The following TMEM94 variants were observed in gnomAD, a reference collection of about 807,000 sequenced individuals.
TMEM94 encodes transmembrane protein 94, also known as ER Mg2+ ATPase.
A neutral mutation model predicts 158.6 loss-of-function variants in TMEM94; 81 were observed. The observed-to-expected ratio is 0.51, with a 90% CI of 0.43 to 0.61. The LOEUF (loss-of-function observed/expected upper bound fraction) is 0.61, where lower values mean the gene tolerates loss of function less well. TMEM94 is among the 20% of genes least tolerant of loss of function. TMEM94 has a pLI of 0.00. For synonymous variants in TMEM94, 751 were observed against 730.7 expected (o/e 1.03, Z -0.45); for missense variants, 1,435 against 1,762.0 (o/e 0.81, Z 3.32).
At chr17:75,479,627 A>AT (rs1176792425) in intron 2 of TMEM94, among the ~76,000 whole-genome samples, 8 of 151,766 alleles carry the variant, frequency 5.3e-5, no homozygotes, top group African/African-American at 1.9e-4. Context: ...CTACAAAAAA[A>AT]TTTTAAAAGG....
rs2052943652 is a variant in TMEM94, at chr17:75,498,349, C to T, written c.3638+26C>T. On this transcript the variant is annotated intron_variant, in intron 28 of 31. Transcript: ENST00000314256. The surrounding 1 kb of genome is among the most constrained non-coding windows in gnomAD (Gnocchi z 6.7). ...GTGGGTCCCAGCCCCAGAGATCCACCCATCGCCTGCCTCGCCTCGAGGCTT... is the reference window on the plus strand; with the variant it reads ...GTGGGTCCCAGCCCCAGAGATCCACTCATCGCCTGCCTCGCCTCGAGGCTT... 1 of 1,612,580 alleles carries T rather than the reference C, an allele frequency of 6.2e-7. No homozygotes were observed. The highest frequency in any genetic ancestry group is 8.5e-7 in the Non-Finnish European group (1 of 1,179,812).
chr17:75,498,666 C>G lies in TMEM94; in HGVS notation c.3771C>G (p.Pro1257=). 6.3e-7 allele frequency: 1 copy of G among 1,599,428 alleles called. No homozygotes were observed. The highest frequency in any genetic ancestry group is 2.2e-5 in the East Asian group (1 of 44,796). The change falls in exon 30 of 32, where the codon CCC becomes CCG. Residue 1257 remains proline, a synonymous_variant. Coordinates refer to ENST00000314256, the MANE Select transcript of TMEM94 (RefSeq NM_014738.6). This position sits in a 1 kb window ranked among gnomAD's most constrained non-coding sequence, Gnocchi z 6.7. Reference sequence around the variant, plus strand: ...TCACCCATGTGCATCGCACCAAGCCCCTGTGGAGAAAGAGCCCCTTGACCA... The same window carrying G: ...TCACCCATGTGCATCGCACCAAGCCGCTGTGGAGAAAGAGCCCCTTGACCA... The part of the protein sequence containing the change: ...ISITHVHRTK[P]LWRKSPLTNL...
At chr17:75,490,795 C>G (rs2052103385) in intron 11 of TMEM94, 37 bp downstream of exon 11, 1 of 1,586,236 alleles carries the variant, frequency 6.3e-7, no homozygotes, top group Non-Finnish European at 8.7e-7. Flanking sequence ...TCTCGCAGGT[C>G]CCTAGAGCCA....
intron 1 of TMEM94, among the ~76,000 whole-genome samples, chr17:75,463,739 C>T (rs1399826857): frequency 1.3e-5 from 2 of 152,170 alleles, no homozygotes; most frequent in African/African-American, 4.8e-5. Context: ...TCACTTCAGC[C>T]TGTTGAGAGC....
In TMEM94 at chr17:75,492,853, A is replaced by G; in HGVS notation, c.1912+64A>G. Reference sequence around the variant, plus strand: ...GCCTCCTAGAAGAGGCCCAGTACCAACTCCTCACGGGACTTAATGGACCTG... The same window carrying G: ...GCCTCCTAGAAGAGGCCCAGTACCAGCTCCTCACGGGACTTAATGGACCTG... On this transcript the variant is annotated intron_variant, in intron 15 of 31. Coordinates refer to ENST00000314256, the MANE Select transcript of TMEM94 (RefSeq NM_014738.6). The surrounding 1 kb of genome is among the most constrained non-coding windows in gnomAD (Gnocchi z 4.4). 1 of 1,582,604 alleles carries G rather than the reference A, an allele frequency of 6.3e-7. No individual in the cohort carries two copies. Among genetic ancestry groups the G allele is most frequent in the Non-Finnish European group, 8.6e-7 (1 of 1,163,344 alleles).
Position 75,495,769 on chromosome 17 carries a change from C to T in TMEM94, c.2944+126C>T. The stretch of plus-strand genomic sequence containing the variant: ...CATGCAGGGAGTAAAGGAACCTGGG[C>T]TGGGATCAGCTGGGGAATCTTGTGG... On this transcript the variant is annotated intron_variant, in intron 22 of 31. Coordinates refer to ENST00000314256, the MANE Select transcript of TMEM94 (RefSeq NM_014738.6). The surrounding 1 kb of genome is among the most constrained non-coding windows in gnomAD (Gnocchi z 5.6). 2 of 914,096 alleles carry T rather than the reference C, an allele frequency of 2.2e-6. No individual in the cohort carries two copies. Among genetic ancestry groups the T allele is most frequent in the Non-Finnish European group, 3.4e-6 (2 of 582,724 alleles). 56.6% of individuals were successfully genotyped at this position (914,096 alleles called of 1,614,324 possible).
In TMEM94 at chr17:75,490,331, A is replaced by C. The variant is rs1483807977; in HGVS notation, c.1052A>C (p.Lys351Thr). 4.3e-6 allele frequency: 7 copies of C among 1,613,864 alleles called. No individual in the cohort carries two copies. In the South Asian group the frequency reaches 7.7e-5, roughly 18 times the overall value. The change falls in exon 10 of 32, where the codon AAG becomes ACG. Residue 351 changes from lysine to threonine, a missense_variant. This residue lies in a region of TMEM94 where 1,051 missense variants were observed against 1,254.4 expected (regional missense o/e 0.84). Transcript: ENST00000314256. ...GEARVLAQMS[K>T]ASPSSLLAKF... Reference sequence around the variant, plus strand: ...GCCCGTGTCCTGGCCCAGATGAGCAAGGCCTCACCCAGCTCCCTGGTAGGT... The same window carrying C: ...GCCCGTGTCCTGGCCCAGATGAGCACGGCCTCACCCAGCTCCCTGGTAGGT...
At position 75,485,709 on chromosome 17, in the gene TMEM94, T is replaced by C; in HGVS notation, c.144+162T>C. On this transcript the variant is annotated intron_variant, in intron 3 of 31. Coordinates refer to ENST00000314256, the MANE Select transcript of TMEM94 (RefSeq NM_014738.6). The surrounding 1 kb of genome is among the most constrained non-coding windows in gnomAD (Gnocchi z 5.5). ...AAGCCAAGGTTCCCCTCAGAGTGGC[T>C]CCTGAGCCTGCTTGCTGCAGGAGCC... The C allele has an allele frequency of 7.5e-7, 1 of 1,325,844 alleles. No homozygotes were observed. Among genetic ancestry groups the C allele is most frequent in the Non-Finnish European group, 1.0e-6 (1 of 970,034 alleles). 82.1% of individuals were successfully genotyped at this position (1,325,844 alleles called of 1,614,324 possible).
chr17:75,463,178 GTA>G (rs749164900), intron 1 of TMEM94, among the ~76,000 whole-genome samples: 685 of 15,052 alleles, frequency 0.046, 58 homozygotes, highest in Admixed American at 0.18. Flanking sequence ...GTGTGTGTGT[GTA>G]TATATATATA....
At position 75,478,003 on chromosome 17, in the gene TMEM94, C is replaced by CTT. The variant is rs909668190; in HGVS notation, c.24+6103_24+6104dup. Among the ~76,000 whole-genome samples the CTT allele has an allele frequency of 2.8e-3, 161 of 57,920 alleles. 25 individuals are homozygous for CTT. Among genetic ancestry groups the CTT allele is most frequent in the African/African-American group, 0.012 (113 of 9,554 alleles). 38.0% of individuals were successfully genotyped at this position (57,920 alleles called of 152,430 possible). Reference sequence around the variant, plus strand: ...CCTGGGCAACAAAGCGAGACTCCATCTTTTTTTTTTTTTTTTTTTTTTTTT... The same window carrying CTT: ...CCTGGGCAACAAAGCGAGACTCCATCTTTTTTTTTTTTTTTTTTTTTTTTTTT... On this transcript the variant is annotated intron_variant, in intron 2 of 31. Transcript: ENST00000314256.
intron 1 of TMEM94, among the ~76,000 whole-genome samples, chr17:75,463,101 T>G (rs1445752461): frequency 8.0e-5 from 1 of 12,456 alleles, no homozygotes; most frequent in African/African-American, 1.5e-3. Context: ...CACATATATA[T>G]GTGTGTATAT....
rs2052242152 is a variant in TMEM94, at chr17:75,491,983, G to A, written c.1596+83G>A. On this transcript the variant is annotated intron_variant, in intron 14 of 31. Transcript: ENST00000314256. The surrounding 1 kb of genome is among the most constrained non-coding windows in gnomAD (Gnocchi z 5.1). ...TCCCTGGCCAGCCTGGCCTCACAAGGTCTGAAAGAGCAGGCGTCTCTGCCC... is the reference window on the plus strand; with the variant it reads ...TCCCTGGCCAGCCTGGCCTCACAAGATCTGAAAGAGCAGGCGTCTCTGCCC... 2 of 1,364,952 alleles carry A rather than the reference G, an allele frequency of 1.5e-6. No individual in the cohort carries two copies. The highest frequency in any genetic ancestry group is 5.0e-5 in the East Asian group (2 of 40,002). The allele number at this position is 1,364,952 out of a possible 1,614,324, so 84.6% of individuals were successfully genotyped here.
rs2146669657 is a variant in TMEM94, at chr17:75,489,734, G to A, written c.954+72G>A. On this transcript the variant is annotated intron_variant, in intron 9 of 31. Coordinates refer to ENST00000314256, the MANE Select transcript of TMEM94 (RefSeq NM_014738.6). This position sits in a 1 kb window ranked among gnomAD's most constrained non-coding sequence, Gnocchi z 5.0. The stretch of plus-strand genomic sequence containing the variant: ...GGGCTGGCTCTTCTCCTAGTACCCT[G>A]GCTGTCCCTCCCTCTCTGCAGCCCA... 2 of 1,298,574 alleles carry A rather than the reference G, an allele frequency of 1.5e-6. No individual in the cohort carries two copies. Among genetic ancestry groups the A allele is most frequent in the South Asian group, 2.4e-5 (2 of 83,880 alleles). The allele number at this position is 1,298,574 out of a possible 1,614,324, so 80.4% of individuals were successfully genotyped here. A position where few individuals can be genotyped will look rare whatever the true frequency, so the allele number is the denominator to read the frequency against.
chr17:75,484,705 G>A (rs1253341869), intron 2 of TMEM94, among the ~76,000 whole-genome samples: 1 of 151,724 alleles, frequency 6.6e-6, no homozygotes, highest in African/African-American at 2.4e-5. Context: ...CCAAAAGATA[G>A]CATCTCTATG....
In TMEM94 at chr17:75,463,138, G is replaced by GTA. The variant is rs1217090382; in HGVS notation, c.-107+6396_-107+6397dup. The stretch of plus-strand genomic sequence containing the variant: ...TATGTATATATATACGTGTATATAT[G>GTA]TATATATATACACGTATATATATGT... On this transcript the variant is annotated intron_variant, in intron 1 of 31. Coordinates refer to ENST00000314256, the MANE Select transcript of TMEM94 (RefSeq NM_014738.6). Among the ~76,000 whole-genome samples the GTA allele has an allele frequency of 5.3e-5, 3 of 56,150 alleles. No individual in the cohort carries two copies. The South Asian group carries it at 1.9e-3, about 36-fold the overall frequency. The allele number at this position is 56,150 out of a possible 152,430, so 36.8% of individuals were successfully genotyped here. A position where few individuals can be genotyped will look rare whatever the true frequency, so the allele number is the denominator to read the frequency against.
At position 75,498,916 on chromosome 17, in the gene TMEM94, C is replaced by A; in HGVS notation, c.3832C>A (p.Leu1278Met). ...WWAVTVPVVL[L>M]GQVVQTAVDL... ...CGGGGCCGCCACCTCCTGCAGGCTG[C>A]TGGGTCAGGTGGTCCAGACGGCTGT... The change falls in exon 31 of 32, where the codon CTG becomes ATG. Residue 1278 changes from leucine (L) to methionine (M), a missense_variant. Physicochemically the swap from Leu to Met is conservative, Grantham distance 15 (BLOSUM62 2). Transcript: ENST00000314256. This position sits in a 1 kb window ranked among gnomAD's most constrained non-coding sequence, Gnocchi z 6.7. 6.5e-7 allele frequency: 1 copy of A among 1,544,890 alleles called. No individual in the cohort carries two copies. Among genetic ancestry groups the A allele is most frequent in the Non-Finnish European group, 8.7e-7 (1 of 1,146,166 alleles).
intron 27 of TMEM94, 76 bp downstream of exon 27, chr17:75,497,938 A>C (rs892736649): frequency 1.4e-6 from 2 of 1,389,544 alleles, no homozygotes; most frequent in Admixed American, 1.7e-5. Flanking sequence ...GAGAGGGGCT[A>C]ATCTGGAAGG....
chr17:75,494,824 C>T lies in TMEM94; in HGVS notation c.2589+16C>T, dbSNP rs2052529590. ...CAAAAGCAAGGTGGGGAGAGCCATC[C>T]CTTCTGCCACCACTAACTCTGTTTC... On this transcript the variant is annotated intron_variant, in intron 19 of 31. Transcript: ENST00000314256. 1 of 1,612,930 alleles carries T rather than the reference C, an allele frequency of 6.2e-7. No homozygotes were observed. The highest frequency in any genetic ancestry group is 1.3e-5 in the African/African-American group (1 of 74,906).
At chr17:75,467,520 C>CTTTTTTTTT (rs947595391) in intron 1 of TMEM94, among the ~76,000 whole-genome samples, 31 of 99,144 alleles carry the variant, frequency 3.1e-4, no homozygotes, top group African/African-American at 5.0e-4. Context: ...ATTTCTTTTT[C>CTTTTTTTTT]TTTTTTTTTT....
Sources: gnomAD v4.1 joint callset for allele counts (sites outside exome capture counted in the v4.1 genomes callset) on GRCh38, gnomAD v4.1.1 for gene constraint, gnomAD v4.1.1 regional missense constraint, Gnocchi (gnomAD v3.1) non-coding constraint, MANE v1.5 for transcripts, NCBI Gene and HGNC (gene_info 2026-07-23, HGNC 2026-07-21) for gene names.